Variants in DNAH10 observed in about 807,000 individuals in gnomAD.
The protein encoded by DNAH10 is axonemal beta dynein heavy chain 10.
DNAH10 carries 348 observed loss-of-function variants against 506.6 expected under a neutral mutation model. The ratio of observed to expected loss-of-function variants is 0.69; its 90% CI spans 0.63 to 0.75. The LOEUF (loss-of-function observed/expected upper bound fraction) is 0.75, where lower values mean the gene tolerates loss of function less well. Among genes scored for constraint, DNAH10 ranks in the 30% least tolerant of loss-of-function variants. The pLI is 0.00. For synonymous variants in DNAH10, 2,059 were observed against 2,198.6 expected, an observed-to-expected ratio of 0.94 and a Z score of 1.78; for missense variants, 5,179 against 5,787.1, an observed-to-expected ratio of 0.89 and a Z score of 3.41.
chr12:123,912,398 TGGGGGGGGTCTGTCCC>T (rs1436975885), intron 59 of DNAH10, among the ~76,000 whole-genome samples: 2 of 36,132 alleles, frequency 5.5e-5, no homozygotes, highest in Admixed American at 4.1e-4. Flanking sequence ...GGGTCTGTCC[TGGGGGGGGTCTGTCCC>T]GGGGGGGGTC....
Position 123,772,946 on chromosome 12 carries a change from C to T in DNAH10, c.505+4C>T. On this transcript the variant is annotated splice_donor_region_variant and intron_variant, in intron 4 of 78. Coordinates refer to ENST00000673944, the MANE Select transcript of DNAH10 (RefSeq NM_001372106.1). ...TTTTTCCTCAGAAATACCAAAGGTACATTTCTGGCACGTGTGTGTGTATGT... is the reference window on the plus strand; with the variant it reads ...TTTTTCCTCAGAAATACCAAAGGTATATTTCTGGCACGTGTGTGTGTATGT... The T allele has an allele frequency of 6.3e-7, 1 of 1,597,454 alleles. No individual in the cohort carries two copies. The highest frequency in any genetic ancestry group is 8.6e-7 in the Non-Finnish European group (1 of 1,166,204).
chr12:123,854,069 GTTTTTTT>G (rs10648649), intron 36 of DNAH10, among the ~76,000 whole-genome samples: 6 of 117,032 alleles, frequency 5.1e-5, no homozygotes, highest in Non-Finnish European at 1.0e-4. Flanking sequence ...ACACATTTGG[GTTTTTTT>G]TTTTTTTTTT....
rs1954947775 is a variant in DNAH10, at chr12:123,926,462, G to T, written c.11922-175G>T. On this transcript the variant is annotated intron_variant, in intron 68 of 78. Transcript: ENST00000673944. This position sits in a 1 kb window ranked among gnomAD's most constrained non-coding sequence, Gnocchi z 4.1. ...TGCCACTCAGGAGTTCCCCATCAGG[G>T]TGGGAGACGTGCATAGAAACTAGAA... The T allele has an allele frequency of 3.1e-6, 2 of 639,468 alleles. No individual in the cohort carries two copies. Among genetic ancestry groups the T allele is most frequent in the Non-Finnish European group, 5.1e-6 (2 of 389,706 alleles). The allele number at this position is 639,468 out of a possible 1,614,324, so 39.6% of individuals were successfully genotyped here.
intron 24 of DNAH10, among the ~76,000 whole-genome samples, chr12:123,822,826 C>T (rs1376576105): frequency 6.6e-6 from 1 of 152,180 alleles, no homozygotes; most frequent in Non-Finnish European, 1.5e-5. Flanking sequence ...ACAGAGGTTG[C>T]ATTCCACCTT....
At chr12:123,867,077 C>T (rs543642936) in intron 41 of DNAH10, among the ~76,000 whole-genome samples, 1 of 152,220 alleles carries the variant, frequency 6.6e-6, no homozygotes, top group Non-Finnish European at 1.5e-5. Flanking sequence ...TCTCAGGACC[C>T]TTGCAATCCC....
rs775366865 is a variant in DNAH10 at position 123,903,064 on chromosome 12, G to A, written c.9766G>A (p.Ala3256Thr). The change falls in exon 57 of 79, where the codon GCC becomes ACC. Residue 3256 changes from alanine to threonine, a missense_variant. By Grantham distance (58) the Ala-to-Thr change is moderately conservative. This residue lies in a region of DNAH10 where 4,844 missense variants were observed against 5,430.5 expected (regional missense o/e 0.89). Transcript: ENST00000673944. The surrounding 1 kb of genome is among the most constrained non-coding windows in gnomAD (Gnocchi z 4.6). Reference sequence around the variant, plus strand: ...AGAGGTCATGCCCATCCTGGAGGCCGCCAAGCTGGAACTGCAGAAGCTGGA... The same window carrying A: ...AGAGGTCATGCCCATCCTGGAGGCCACCAAGCTGGAACTGCAGAAGCTGGA... ...LAEVMPILEA[A>T]KLELQKLDKS... is the part of the protein sequence containing the mutation. 37 of 1,610,772 alleles carry A rather than the reference G, an allele frequency of 2.3e-5. No homozygotes were observed. The South Asian group carries it at 2.3e-4, about 10-fold the overall frequency.
Position 123,928,855 on chromosome 12 carries a change from G to A in DNAH10, c.12306+268G>A, listed in dbSNP as rs1178455086. ...CTACGCTACTTTTCATAAACTTCAC[G>A]GCCCCCCCCCCCACACACAGCCTGC... On this transcript the variant is annotated intron_variant, in intron 70 of 78. Transcript: ENST00000673944. This position sits in a 1 kb window ranked among gnomAD's most constrained non-coding sequence, Gnocchi z 4.9. 8.3e-6 allele frequency: 4 copies of A among 483,678 alleles called. No homozygotes were observed. Among genetic ancestry groups the A allele is most frequent in the East Asian group, 6.7e-5 (2 of 29,968 alleles). 30.0% of individuals were successfully genotyped at this position (483,678 alleles called of 1,614,324 possible).
At chr12:123,908,658 G>T (rs980355441) in intron 57 of DNAH10, 11 of 431,084 alleles carry the variant, frequency 2.6e-5, no homozygotes, top group African/African-American at 4.1e-5. Flanking sequence ...AAGGGCAGTG[G>T]ACATCTGCGT....
At position 123,897,964 on chromosome 12, in the gene DNAH10, A is replaced by C; in HGVS notation, c.9475A>C (p.Ile3159Leu). Reference sequence around the variant, plus strand: ...GCTGGATGAGAAAACTCAGTGTAATATAGGTAAGCCTTGGGGATGGGGTGG... The same window carrying C: ...GCTGGATGAGAAAACTCAGTGTAATCTAGGTAAGCCTTGGGGATGGGGTGG... ...KLLDEKTQCN[I>L]AQCKRLDGGL... Residue 3159 changes from isoleucine to leucine, a missense_variant, in exon 55 of 79, where the codon ATA becomes CTA. By Grantham distance (5) the Ile-to-Leu change is conservative. Transcript: ENST00000673944. The C allele has an allele frequency of 3.8e-6, 6 of 1,583,324 alleles. No homozygotes were observed. In the Middle Eastern group the frequency reaches 6.7e-4, roughly 177 times the overall value.
rs1272344432 is a variant in DNAH10, at chr12:123,930,436, A to T, written c.12647A>T (p.Asp4216Val). ...GGAGGACGGGCCATCGACAGCTTTGATCGCCGCATCCTGACCATCTACATG... is the reference window on the plus strand; with the variant it reads ...GGAGGACGGGCCATCGACAGCTTTGTTCGCCGCATCCTGACCATCTACATG... ...MYGGRAIDSF[D>V]RRILTIYMDE... is the part of the protein sequence containing the mutation. Residue 4216 changes from aspartate (D) to valine (V), a missense_variant, in exon 73 of 79, where the codon GAT becomes GTT. Physicochemically the swap from Asp to Val is radical, Grantham distance 152. Around this residue, in one of 3 missense-constraint regions of DNAH10, gnomAD observed 4,844 missense variants for 5,430.5 expected, o/e 0.89. Coordinates refer to ENST00000673944, the MANE Select transcript of DNAH10 (RefSeq NM_001372106.1). 6.3e-7 allele frequency: 1 copy of T among 1,592,094 alleles called. No homozygotes were observed.
chr12:123,893,349 G>A lies in DNAH10; in HGVS notation c.9112G>A (p.Val3038Met), dbSNP rs185566978. The A allele has an allele frequency of 5.3e-4, 859 of 1,614,046 alleles. 3 individuals are homozygous for A. The highest frequency in any genetic ancestry group is 5.1e-3 in the Middle Eastern group (31 of 6,046). ...CAAGGAGTCTGTGTGGCAGTACTTC[G>A]TGAACAAAAGTGCAAATAACCTGCA... ...PAKESVWQYFVNKSANNLHIV... is the reference protein window; with the variant it reads ...PAKESVWQYFMNKSANNLHIV... Residue 3038 changes from valine to methionine, a missense_variant, in exon 53 of 79, where the codon GTG becomes ATG. By Grantham distance (21) the Val-to-Met change is conservative. Transcript: ENST00000673944.
Position 123,909,526 on chromosome 12 carries a change from G to A in DNAH10, c.9997+84G>A. 2.1e-6 allele frequency: 3 copies of A among 1,453,416 alleles called. No individual in the cohort carries two copies. 90.0% of individuals were successfully genotyped at this position (1,453,416 alleles called of 1,614,324 possible). On this transcript the variant is annotated intron_variant, in intron 58 of 78. Transcript: ENST00000673944. This position sits in a 1 kb window ranked among gnomAD's most constrained non-coding sequence, Gnocchi z 5.4. Reference sequence around the variant, plus strand: ...CTGGGACAGGGATGGAGGGCAAGGAGGCTTGTCGTGGGCAGGCCCTCCCCT... The same window carrying A: ...CTGGGACAGGGATGGAGGGCAAGGAAGCTTGTCGTGGGCAGGCCCTCCCCT...
chr12:123,838,159 G>A (rs1296251085), intron 28 of DNAH10, among the ~76,000 whole-genome samples: 1 of 151,774 alleles, frequency 6.6e-6, no homozygotes, highest in Non-Finnish European at 1.5e-5. Flanking sequence ...AGGGTGGGGT[G>A]GGGCTCATCA....
intron 4 of DNAH10, 32 bp downstream of exon 4, chr12:123,772,974 G>A (rs927558133): frequency 3.4e-6 from 5 of 1,479,656 alleles, no homozygotes; most frequent in Non-Finnish European, 4.7e-6. Flanking sequence ...GTGTATGTGT[G>A]TTGAGGGGGT....
In DNAH10 at chr12:123,814,799, A is replaced by G. The variant is rs1959085092; in HGVS notation, c.3780+887A>G. Among the ~76,000 whole-genome samples the G allele has an allele frequency of 3.3e-5, 5 of 151,894 alleles. No individual in the cohort carries two copies. In the South Asian group the frequency reaches 1.0e-3, roughly 32 times the overall value. ...CCGGCTAATTATTTTTTGTATTTTT[A>G]GTAGAGACAGGGTTTTACTATGTTA... On this transcript the variant is annotated intron_variant, in intron 21 of 78. Coordinates refer to ENST00000673944, the MANE Select transcript of DNAH10 (RefSeq NM_001372106.1).
rs777535785 is a variant in DNAH10 at position 123,774,145 on chromosome 12, T to C, written c.506-4T>C. On this transcript the variant is annotated splice_region_variant and splice_polypyrimidine_tract_variant and intron_variant, in intron 4 of 78. Coordinates refer to ENST00000673944, the MANE Select transcript of DNAH10 (RefSeq NM_001372106.1). ...CCTTACATTCTACACCTGTTCTTCTTTAGAGGCAATCTCTGAAGCTACCGA... is the reference window on the plus strand; with the variant it reads ...CCTTACATTCTACACCTGTTCTTCTCTAGAGGCAATCTCTGAAGCTACCGA... 6.3e-7 allele frequency: 1 copy of C among 1,597,544 alleles called. No individual in the cohort carries two copies. Among genetic ancestry groups the C allele is most frequent in the Non-Finnish European group, 8.5e-7 (1 of 1,173,076 alleles).
chr12:123,820,575 A>C lies in DNAH10; in HGVS notation c.4001-5A>C. 2 of 1,612,412 alleles carry C rather than the reference A, an allele frequency of 1.2e-6. No homozygotes were observed. The highest frequency in any genetic ancestry group is 1.7e-6 in the Non-Finnish European group (2 of 1,179,268). The stretch of plus-strand genomic sequence containing the variant: ...TATTCACTCATCGGTGTATTTATTT[A>C]CTAGGAGTAGAGCTTTTAGGTGTTT... On this transcript the variant is annotated splice_region_variant and splice_polypyrimidine_tract_variant and intron_variant, in intron 23 of 78. Transcript: ENST00000673944.
intron 57 of DNAH10, chr12:123,908,282 G>A: frequency 2.2e-6 from 1 of 453,452 alleles, no homozygotes; most frequent in Non-Finnish European, 4.4e-6. Flanking sequence ...CTGTTCTTGT[G>A]CATGTGTCTC....
At position 123,894,741 on chromosome 12, in the gene DNAH10, T is replaced by C; in HGVS notation, c.9280+18T>C. On this transcript the variant is annotated intron_variant, in intron 54 of 78. Coordinates refer to ENST00000673944, the MANE Select transcript of DNAH10 (RefSeq NM_001372106.1). The stretch of plus-strand genomic sequence containing the variant: ...CTTTCTAGGTAAGTCACAGCTGTTA[T>C]GGGAACTGCATTATTGATAAAACAA... The C allele has an allele frequency of 6.2e-7, 1 of 1,605,520 alleles. No individual in the cohort carries two copies. The highest frequency in any genetic ancestry group is 8.5e-7 in the Non-Finnish European group (1 of 1,172,252).
Sources: allele counts gnomAD v4.1 joint callset (sites outside exome capture counted in the v4.1 genomes callset), GRCh38; gene constraint gnomAD v4.1.1; regional missense constraint gnomAD v4.1.1; non-coding constraint Gnocchi (gnomAD v3.1); transcripts MANE v1.5; gene names NCBI Gene and HGNC (gene_info 2026-07-23, HGNC 2026-07-21).